SMYD3: variants seen among roughly 807,000 people sequenced by gnomAD.
SMYD3 encodes the protein SET and MYND domain containing 3, also known as histone-lysine N-methyltransferase SMYD3.
SMYD3 carries 36 observed loss-of-function variants against 57.7 expected under a neutral mutation model. The ratio of observed to expected loss-of-function variants is 0.62; its 90% CI spans 0.48 to 0.82. The LOEUF (loss-of-function observed/expected upper bound fraction) is 0.82, where lower values mean the gene tolerates loss of function less well. Ranked by LOEUF, SMYD3 falls within the 40% of genes least tolerant of loss-of-function variation. The probability of loss-of-function intolerance (pLI) is 0.00; values close to 1 mark genes in which losing one functional copy is unlikely to be tolerated. For synonymous variants in SMYD3, 211 were observed against 195.0 expected (o/e 1.08, Z -0.68); for missense variants, 515 against 538.8 (o/e 0.96, Z 0.44).
At chr1:246,306,699 T>C (rs942963574) in intron 5 of SMYD3, among the ~76,000 whole-genome samples, 10 of 152,306 alleles carry the variant, frequency 6.6e-5, no homozygotes, top group Admixed American at 2.0e-4. Context: ...AAAGAATTAA[T>C]TGAAGCAAAC....
chr1:246,175,701 T>C (rs2062421522), intron 5 of SMYD3, among the ~76,000 whole-genome samples: 1 of 152,264 alleles, frequency 6.6e-6, no homozygotes, highest in African/African-American at 2.4e-5. Flanking sequence ...AGGGGAAAGT[T>C]TTAAACATTT....
chr1:246,503,133 A>G lies in SMYD3; in HGVS notation c.164+3921T>C, dbSNP rs76725707. Among the ~76,000 whole-genome samples, 80 of 152,276 alleles carry G rather than the reference A, an allele frequency of 5.3e-4. 1 individual carries two copies. The East Asian group carries it at 0.013, about 24-fold the overall frequency. On this transcript the variant is annotated intron_variant, in intron 1 of 11. Coordinates refer to ENST00000490107, the MANE Select transcript of SMYD3 (RefSeq NM_001167740.2). ...CCTAACCCTAGAACTTTAGCCAGCC[A>G]AGAAAGATCAGAACACATATTTCTC...
intron 5 of SMYD3, among the ~76,000 whole-genome samples, chr1:246,298,954 C>T (rs1201496076): frequency 6.6e-6 from 1 of 152,094 alleles, no homozygotes; most frequent in African/African-American, 2.4e-5. Flanking sequence ...AAAAGAGTAA[C>T]AGTATCCCGT....
intron 5 of SMYD3, among the ~76,000 whole-genome samples, chr1:246,215,262 G>A (rs1291909611): frequency 6.6e-6 from 1 of 152,136 alleles, no homozygotes; most frequent in Non-Finnish European, 1.5e-5. Flanking sequence ...ATATTGTCAT[G>A]GGGCAGGTGC....
intron 1 of SMYD3, among the ~76,000 whole-genome samples, chr1:246,492,586 C>T (rs1196622581): frequency 6.6e-6 from 1 of 152,142 alleles, no homozygotes; most frequent in East Asian, 1.9e-4. Flanking sequence ...CGATAGAAAC[C>T]AGGCAAGAAG....
intron 10 of SMYD3, among the ~76,000 whole-genome samples, chr1:245,818,460 T>C (rs578153722): frequency 1.6e-4 from 25 of 152,172 alleles, no homozygotes; most frequent in Admixed American, 9.2e-4. Flanking sequence ...GTAAAGACCA[T>C]TGAGACTAGG....
At chr1:245,889,346 T>C (rs1279180790) in intron 8 of SMYD3, among the ~76,000 whole-genome samples, 1 of 152,194 alleles carries the variant, frequency 6.6e-6, no homozygotes, top group African/African-American at 2.4e-5. Flanking sequence ...TACCTTTTTC[T>C]CCTTCTAGGA....
chr1:246,273,153 C>CT (rs1298171209), intron 5 of SMYD3, among the ~76,000 whole-genome samples: 121 of 67,988 alleles, frequency 1.8e-3, no homozygotes, highest in African/African-American at 4.6e-3. Context: ...TTTTTTTTTT[C>CT]TTTTTTTTGG....
At chr1:246,333,100 T>A (rs549363869) in intron 3 of SMYD3, among the ~76,000 whole-genome samples, 1 of 152,308 alleles carries the variant, frequency 6.6e-6, no homozygotes, top group East Asian at 1.9e-4. Flanking sequence ...TTACCATTCC[T>A]AAAATGCCAG....
rs573969957 is a variant in SMYD3, at chr1:245,994,026, C to T, written c.532-64089G>A. ...GCTTTAGATGCATAGAAAATCGTTCCGTTCTAAGGTGTAGGAAGAAATCCA... is the reference window on the plus strand; with the variant it reads ...GCTTTAGATGCATAGAAAATCGTTCTGTTCTAAGGTGTAGGAAGAAATCCA... On this transcript the variant is annotated intron_variant, in intron 5 of 11. Coordinates refer to ENST00000490107, the MANE Select transcript of SMYD3 (RefSeq NM_001167740.2). Among the ~76,000 whole-genome samples the T allele has an allele frequency of 1.1e-4, 16 of 152,224 alleles. No homozygotes were observed. The South Asian group carries it at 2.5e-3, about 24-fold the overall frequency.
chr1:246,468,200 G>T (rs1209536980), intron 1 of SMYD3, among the ~76,000 whole-genome samples: 7 of 151,600 alleles, frequency 4.6e-5, no homozygotes, highest in Non-Finnish European at 8.8e-5. Flanking sequence ...GATGGAGTGG[G>T]ATTCATCCCA....
chr1:245,827,787 CA>C (rs1226655571), intron 10 of SMYD3, among the ~76,000 whole-genome samples: 1 of 152,136 alleles, frequency 6.6e-6, no homozygotes, highest in African/African-American at 2.4e-5. Context: ...ACTTATTTTC[CA>C]GGTGAGAAAC....
At chr1:246,164,656 C>T (rs978849226) in intron 5 of SMYD3, among the ~76,000 whole-genome samples, 1 of 152,188 alleles carries the variant, frequency 6.6e-6, no homozygotes, top group Non-Finnish European at 1.5e-5. Context: ...GGGTGAGCCA[C>T]TTGTTTTTTG....
At chr1:246,214,375 T>C (rs2063133016) in intron 5 of SMYD3, among the ~76,000 whole-genome samples, 1 of 152,094 alleles carries the variant, frequency 6.6e-6, no homozygotes, top group Non-Finnish European at 1.5e-5. Context: ...AAACCAAGCA[T>C]GGCAAGATAT....
At chr1:246,032,209 G>A (rs1463339345) in intron 5 of SMYD3, among the ~76,000 whole-genome samples, 6 of 152,090 alleles carry the variant, frequency 3.9e-5, no homozygotes, top group African/African-American at 1.2e-4. Context: ...TTTTCCCACA[G>A]GACATCTTCC....
At position 245,928,019 on chromosome 1, in the gene SMYD3, T is replaced by C. The variant is rs777190405; in HGVS notation, c.614A>G (p.Asn205Ser). 13 of 1,611,448 alleles carry C rather than the reference T, an allele frequency of 8.1e-6. No individual in the cohort carries two copies. The highest frequency in any genetic ancestry group is 5.5e-5 in the South Asian group (5 of 91,036). Residue 205 changes from asparagine (N) to serine (S), a missense_variant, in exon 7 of 12, where the codon AAT becomes AGT. By Grantham distance (46) the Asn-to-Ser change is conservative. Transcript: ENST00000490107. ...CGAACAGTTGGGGTCACAGCTGTGA[T>C]TGAGCAAAGAGATACTGGAAAAAAA... ...VGLYPSISLL[N>S]HSCDPNCSIV...
rs140460864 is a variant in SMYD3 at position 245,922,663 on chromosome 1, T to C, written c.702+5268A>G. 1.8e-3 allele frequency among the ~76,000 whole-genome samples: 272 copies of C among 152,252 alleles called. 1 individual carries two copies. The highest frequency in any genetic ancestry group is 5.9e-3 in the African/African-American group (245 of 41,536). On this transcript the variant is annotated intron_variant, in intron 7 of 11. Coordinates refer to ENST00000490107, the MANE Select transcript of SMYD3 (RefSeq NM_001167740.2). ...CTCTACTTTTCCCTTCAGGAAACTC[T>C]AATCACAAATGGAAGAAGAAAATCA...
chr1:246,322,632 T>C (rs977694696), intron 5 of SMYD3, among the ~76,000 whole-genome samples: 1 of 151,996 alleles, frequency 6.6e-6, no homozygotes, highest in African/African-American at 2.4e-5. Context: ...CATTGCTGTC[T>C]GTGGAAATTA....
chr1:246,480,476 T>A (rs945398507), intron 1 of SMYD3, among the ~76,000 whole-genome samples: 2 of 152,306 alleles, frequency 1.3e-5, no homozygotes, highest in South Asian at 4.1e-4. Context: ...ATTATCAACT[T>A]TTTTTTACTA....
Sources: allele counts gnomAD v4.1 joint callset (sites outside exome capture counted in the v4.1 genomes callset), GRCh38; gene constraint gnomAD v4.1.1; transcripts MANE v1.5; gene names NCBI Gene and HGNC (gene_info 2026-07-23, HGNC 2026-07-21).